Variants in LTBP4 observed in about 807,000 individuals in gnomAD.
LTBP4 encodes the protein latent-transforming growth factor beta-binding protein 4.
In LTBP4, 93 loss-of-function variants were observed where a neutral mutation model predicts 180.2. The ratio of observed to expected loss-of-function variants is 0.52; its 90% CI spans 0.44 to 0.61. The LOEUF (loss-of-function observed/expected upper bound fraction) is 0.61, where lower values mean the gene tolerates loss of function less well. Among genes scored for constraint, LTBP4 ranks in the 20% least tolerant of loss-of-function variants. The probability of loss-of-function intolerance (pLI) is 0.00; values close to 1 mark genes in which losing one functional copy is unlikely to be tolerated. For synonymous variants in LTBP4, 947 were observed against 934.5 expected, an observed-to-expected ratio of 1.01 and a Z score of -0.24; for missense variants, 2,116 against 2,256.5, an observed-to-expected ratio of 0.94 and a Z score of 1.26.
chr19:40,616,301 G>GAAAAA (rs950904275), intron 19 of LTBP4, among the ~76,000 whole-genome samples: 1 of 144,838 alleles, frequency 6.9e-6, no homozygotes, highest in Non-Finnish European at 1.5e-5. Flanking sequence ...TTAAAAAAAA[G>GAAAAA]AAAAAAAAGC....
rs769929356 is a variant in LTBP4, at chr19:40,623,644, G to C, written c.3597G>C (p.Lys1199Asn). The C allele has an allele frequency of 3.7e-6, 6 of 1,613,870 alleles. No homozygotes were observed. Among genetic ancestry groups the C allele is most frequent in the South Asian group, 3.3e-5 (3 of 91,084 alleles). Residue 1199 changes from lysine to asparagine, a missense_variant, in exon 25 of 30, where the codon AAG becomes AAC. Transcript: ENST00000396819. ...ECQLFRDQVC[K>N]SGVCVNTAPG... ...AGCTCTTCCGAGACCAGGTGTGCAA[G>C]AGTGGCGTGTGTGTGAACACGGCCC...
chr19:40,597,203 C>T, upstream of LTBP4: 1 of 1,429,534 alleles, frequency 7.0e-7, no homozygotes, highest in African/African-American at 1.5e-5. Context: ...GGACAGACCG[C>T]CCGCCCGGAG....
At chr19:40,614,680 A>G (rs1404586988) in intron 19 of LTBP4, among the ~76,000 whole-genome samples, 2 of 152,118 alleles carry the variant, frequency 1.3e-5, no homozygotes, top group Non-Finnish European at 2.9e-5. Context: ...CTGCAGCTGA[A>G]GCCCGGTCCA....
chr19:40,622,278 T>TGG lies in LTBP4; in HGVS notation c.3218-123_3218-122insGG. 9.2e-7 allele frequency: 1 copy of TGG among 1,091,850 alleles called. No individual in the cohort carries two copies. Among genetic ancestry groups the TGG allele is most frequent in the South Asian group, 1.8e-5 (1 of 56,410 alleles). 67.6% of individuals were successfully genotyped at this position (1,091,850 alleles called of 1,614,324 possible). On this transcript the variant is annotated intron_variant, in intron 22 of 29. Transcript: ENST00000396819. This position sits in a 1 kb window ranked among gnomAD's most constrained non-coding sequence, Gnocchi z 5.1. ...GGAGCGTGAGAGGTGTGGAGTCTGG[T>TGG]TCTGCCACTGATGGCTGCCACCCTC...
chr19:40,622,905 G>A lies in LTBP4; in HGVS notation c.3485-45G>A. On this transcript the variant is annotated intron_variant, in intron 23 of 29. Coordinates refer to ENST00000396819, the MANE Select transcript of LTBP4 (RefSeq NM_001042545.2). The surrounding 1 kb of genome is among the most constrained non-coding windows in gnomAD (Gnocchi z 5.1). ...GTGGGCACGAGCAGGTCAGGGCTGG[G>A]GCTGGGGCTCTGGTGTCCTGGCTCA... 1 of 1,593,480 alleles carries A rather than the reference G, an allele frequency of 6.3e-7. No individual in the cohort carries two copies. Among genetic ancestry groups the A allele is most frequent in the Non-Finnish European group, 8.6e-7 (1 of 1,165,278 alleles).
chr19:40,605,014 G>T lies in LTBP4; in HGVS notation c.251-21G>T. ...CTGCCAGGAATGGTGGCGCCCCTGA[G>T]TGTCCTCGTTCTCCTCCCAGTCCTG... is the stretch of plus-strand genomic sequence containing the variant. On this transcript the variant is annotated intron_variant, in intron 1 of 29. Transcript: ENST00000396819. This position sits in a 1 kb window ranked among gnomAD's most constrained non-coding sequence, Gnocchi z 5.5. 6.3e-7 allele frequency: 1 copy of T among 1,594,418 alleles called. No individual in the cohort carries two copies. Among genetic ancestry groups the T allele is most frequent in the African/African-American group, 1.3e-5 (1 of 74,524 alleles).
At position 40,625,940 on chromosome 19, in the gene LTBP4, A is replaced by G. The variant is rs1444828635; in HGVS notation, c.3916A>G (p.Thr1306Ala). 1.9e-6 allele frequency: 3 copies of G among 1,606,966 alleles called. No homozygotes were observed. In the East Asian group the frequency reaches 6.7e-5, roughly 36 times the overall value. ...TCGGCTGGACCGTCAGGCCACCTACACAGAGTGCTGCTGCCTGTATGGAGA... is the reference window on the plus strand; with the variant it reads ...TCGGCTGGACCGTCAGGCCACCTACGCAGAGTGCTGCTGCCTGTATGGAGA... ...HPRLDRQATY[T>A]ECCCLYGEAW... Residue 1306 changes from threonine to alanine, a missense_variant, in exon 27 of 30, where the codon ACA (threonine) becomes GCA (alanine). Around this residue, in one of 5 missense-constraint regions of LTBP4, gnomAD observed 488 missense variants for 458.8 expected, o/e 1.06. Coordinates refer to ENST00000396819, the MANE Select transcript of LTBP4 (RefSeq NM_001042545.2).
At chr19:40,607,557 T>A in intron 7 of LTBP4, 28 bp downstream of exon 7, 1 of 1,580,694 alleles carries the variant, frequency 6.3e-7, no homozygotes, top group Non-Finnish European at 8.6e-7. Flanking sequence ...TGCCTAGCCC[T>A]ACGCGCAACA....
chr19:40,628,082 G>A (rs1301349737), intron 29 of LTBP4, among the ~76,000 whole-genome samples: 1 of 152,248 alleles, frequency 6.6e-6, no homozygotes, highest in Non-Finnish European at 1.5e-5. Context: ...GGCTGGAGCC[G>A]GGCCTTGAAG....
chr19:40,610,262 A>C, intron 11 of LTBP4: 1 of 517,470 alleles, frequency 1.9e-6, no homozygotes, highest in Non-Finnish European at 3.4e-6. Context: ...CCAGAGCCCT[A>C]TCCCCAAACT....
chr19:40,599,512 C>G, upstream of LTBP4: 2 of 1,613,146 alleles, frequency 1.2e-6, no homozygotes, highest in Non-Finnish European at 1.7e-6. Context: ...GTCCCAGCCC[C>G]AGCGTGAGGA....
At chr19:40,625,351 C>G (rs930749799) in intron 26 of LTBP4, among the ~76,000 whole-genome samples, 52 of 124,342 alleles carry the variant, frequency 4.2e-4, no homozygotes, top group African/African-American at 1.6e-3. Flanking sequence ...TGCCATGTTG[C>G]CCAGGCTGGT....
intron 8 of LTBP4, 41 bp from the exon 9 acceptor site, chr19:40,608,443 G>A: frequency 1.3e-6 from 2 of 1,593,370 alleles, no homozygotes; most frequent in Non-Finnish European, 1.7e-6. Flanking sequence ...GGAGGCAAGA[G>A]AGGATTTGGG....
At position 40,609,758 on chromosome 19, in the gene LTBP4, G is replaced by T; in HGVS notation, c.1571G>T (p.Cys524Phe). ...TCCGTGTCCTCAGATGTGGACGAAT[G>T]TCGCCGCGTGCCCCCGCCCTGTGCT... Reference protein sequence around the residue: ...QGTRCIDVDECRRVPPPCAPG... With the variant: ...QGTRCIDVDEFRRVPPPCAPG... Residue 524 changes from cysteine to phenylalanine, a missense_variant, in exon 11 of 30, where the codon TGT becomes TTT. Transcript: ENST00000396819. This position sits in a 1 kb window ranked among gnomAD's most constrained non-coding sequence, Gnocchi z 4.9. 1 of 1,612,122 alleles carries T rather than the reference G, an allele frequency of 6.2e-7. No homozygotes were observed. The highest frequency in any genetic ancestry group is 8.5e-7 in the Non-Finnish European group (1 of 1,178,930).
At chr19:40,625,293 TATATATATATA>T (rs2081622599) in intron 26 of LTBP4, among the ~76,000 whole-genome samples, 2 of 12,828 alleles carry the variant, frequency 1.6e-4, no homozygotes, top group African/African-American at 2.0e-3. Flanking sequence ...TATATATATA[TATATATATATA>T]TATATATATA....
At chr19:40,597,488 A>T, upstream of LTBP4, 2 of 1,233,108 alleles carry the variant, frequency 1.6e-6, no homozygotes, top group Non-Finnish European at 2.1e-6. Flanking sequence ...TTCGATGTGG[A>T]GATGCAAAGA....
chr19:40,606,139 A>G (rs1040313582), intron 4 of LTBP4, 94 bp from the exon 5 acceptor site: 4 of 1,174,730 alleles, frequency 3.4e-6, no homozygotes, highest in Admixed American at 4.0e-5. Flanking sequence ...TACAGCCAAC[A>G]TCTTTTAGTC....
upstream of LTBP4, chr19:40,601,332 GCCGGGC>G (rs1273515555): frequency 3.0e-6 from 3 of 987,340 alleles, no homozygotes; most frequent in Non-Finnish European, 3.6e-6. Context: ...GGCGGGTGCG[GCCGGGC>G]CCCTCGGGCG....
rs1413351004 is a variant in LTBP4 at position 40,622,418 on chromosome 19, C to A, written c.3235C>A (p.Gln1079Lys). Residue 1079 changes from glutamine to lysine, a missense_variant, in exon 23 of 30, where the codon CAG (glutamine) becomes AAG (lysine). By Grantham distance (53) the Gln-to-Lys change is moderately conservative (BLOSUM62 1). Coordinates refer to ENST00000396819, the MANE Select transcript of LTBP4 (RefSeq NM_001042545.2). The surrounding 1 kb of genome is among the most constrained non-coding windows in gnomAD (Gnocchi z 5.1). Reference sequence around the variant, plus strand: ...CTCCCCAGGCACGTTCCCAGGCTCGCAGCCCCAGGCACCTGCTAGCCCCGT... The same window carrying A: ...CTCCCCAGGCACGTTCCCAGGCTCGAAGCCCCAGGCACCTGCTAGCCCCGT... Reference protein sequence around the residue: ...RTSAGTFPGSQPQAPASPVLP... With the variant: ...RTSAGTFPGSKPQAPASPVLP... The A allele has an allele frequency of 3.2e-6, 5 of 1,555,564 alleles. No homozygotes were observed. The South Asian group carries it at 5.9e-5, about 18-fold the overall frequency.
Sources: allele counts gnomAD v4.1 joint callset (sites outside exome capture counted in the v4.1 genomes callset), GRCh38; gene constraint gnomAD v4.1.1; regional missense constraint gnomAD v4.1.1; non-coding constraint Gnocchi (gnomAD v3.1); transcripts MANE v1.5; gene names NCBI Gene and HGNC (gene_info 2026-07-23, HGNC 2026-07-21).